TDRD7: variants seen among roughly 807,000 people sequenced by gnomAD.
The protein encoded by TDRD7 is tudor domain-containing protein 7.
TDRD7 carries 47 observed loss-of-function variants against 109.8 expected under a neutral mutation model. The ratio of observed to expected loss-of-function variants is 0.43; its 90% CI spans 0.34 to 0.55. The LOEUF (loss-of-function observed/expected upper bound fraction) is 0.55, where lower values mean the gene tolerates loss of function less well. Ranked by LOEUF, TDRD7 falls within the 20% of genes least tolerant of loss-of-function variation. The pLI is 0.03. For synonymous variants in TDRD7, 424 were observed against 457.3 expected (o/e 0.93, Z 0.93); for missense variants, 1,164 against 1,319.2 (o/e 0.88, Z 1.82).
chr9:97,489,293 A>G (rs1829262584), intron 16 of TDRD7, among the ~76,000 whole-genome samples: 1 of 152,246 alleles, frequency 6.6e-6, no homozygotes, highest in East Asian at 1.9e-4. Flanking sequence ...TTGCAGATCT[A>G]TCCATTTTTG....
At chr9:97,465,238 T>TA (rs905147840) in intron 8 of TDRD7, among the ~76,000 whole-genome samples, 9 of 152,132 alleles carry the variant, frequency 5.9e-5, no homozygotes, top group Non-Finnish European at 1.3e-4. Context: ...GAGTTTTAGT[T>TA]AAAAAAATAA....
chr9:97,452,262 G>T (rs1828510114), intron 6 of TDRD7, among the ~76,000 whole-genome samples: 1 of 152,186 alleles, frequency 6.6e-6, no homozygotes, highest in African/African-American at 2.4e-5. Context: ...TTGGAATGAA[G>T]TATGTGGACC....
rs1829137246 is a variant in TDRD7 at position 97,482,801 on chromosome 9, T to G, written c.2413-48T>G. The stretch of plus-strand genomic sequence containing the variant: ...AGGTTACTATAACTGCCTCTCAAAA[T>G]TTAATGTGAACTTGTATTTCTTATA... On this transcript the variant is annotated intron_variant, in intron 14 of 16. Transcript: ENST00000355295. 1.9e-6 allele frequency: 3 copies of G among 1,603,586 alleles called. No individual in the cohort carries two copies. In the East Asian group the frequency reaches 6.7e-5, roughly 36 times the overall value.
At chr9:97,419,594 G>A (rs560245734) in intron 1 of TDRD7, among the ~76,000 whole-genome samples, 1 of 152,300 alleles carries the variant, frequency 6.6e-6, no homozygotes, top group East Asian at 1.9e-4. Flanking sequence ...GACTTCAGAG[G>A]TAGTGGAGGT....
At chr9:97,428,427 A>T in intron 1 of TDRD7, 33 bp from the exon 2 acceptor site, 1 of 1,596,640 alleles carries the variant, frequency 6.3e-7, no homozygotes, top group Non-Finnish European at 8.6e-7. Flanking sequence ...CGAATGAGCC[A>T]TATTATAGTA....
chr9:97,449,547 T>C lies in TDRD7; in HGVS notation c.855+7672T>C, dbSNP rs1461537103. 2.6e-5 allele frequency among the ~76,000 whole-genome samples: 4 copies of C among 152,180 alleles called. No individual in the cohort carries two copies. The East Asian group carries it at 7.7e-4, about 29-fold the overall frequency. On this transcript the variant is annotated intron_variant, in intron 6 of 16. Coordinates refer to ENST00000355295, the MANE Select transcript of TDRD7 (RefSeq NM_014290.3). ...ATTACAGAGGATACAGATGAAGAAA[T>C]GCATAAATGGGGGAAGCAGCATGGA...
intron 4 of TDRD7, among the ~76,000 whole-genome samples, chr9:97,433,261 T>G (rs1409232860): frequency 6.6e-6 from 1 of 151,912 alleles, no homozygotes; most frequent in Non-Finnish European, 1.5e-5. Context: ...ATTTTTTATA[T>G]TACAGAATTT....
intron 9 of TDRD7, among the ~76,000 whole-genome samples, chr9:97,470,923 T>G (rs770224348): frequency 2.0e-5 from 3 of 152,230 alleles, no homozygotes; most frequent in Non-Finnish European, 4.4e-5. Flanking sequence ...GGGATTTTTC[T>G]TGTTCTAACT....
intron 6 of TDRD7, among the ~76,000 whole-genome samples, chr9:97,449,168 C>G (rs918997263): frequency 2.0e-5 from 3 of 152,292 alleles, no homozygotes; most frequent in Non-Finnish European, 4.4e-5. Flanking sequence ...AATACTCAAA[C>G]TATGTTTTTC....
At chr9:97,474,026 A>G (rs1186727039) in intron 11 of TDRD7, among the ~76,000 whole-genome samples, 1 of 152,170 alleles carries the variant, frequency 6.6e-6, no homozygotes, top group African/African-American at 2.4e-5. Flanking sequence ...GGAATTTAGG[A>G]GGATAATAAA....
intron 11 of TDRD7, 118 bp from the exon 12 acceptor site, chr9:97,475,265 G>T (rs1247398436): frequency 1.3e-6 from 1 of 784,320 alleles, no homozygotes; most frequent in Non-Finnish European, 2.2e-6. Context: ...TCCATTGCTG[G>T]AAGTCTGACT....
At chr9:97,476,781 A>G (rs753315251) in intron 12 of TDRD7, among the ~76,000 whole-genome samples, 2 of 152,162 alleles carry the variant, frequency 1.3e-5, no homozygotes, top group Non-Finnish European at 2.9e-5. Flanking sequence ...TAAGATTCTC[A>G]AATCAACCCC....
chr9:97,435,467 T>TA (rs11314747), intron 4 of TDRD7, among the ~76,000 whole-genome samples: 268 of 131,128 alleles, frequency 2.0e-3, no homozygotes, highest in Middle Eastern at 3.8e-3. Context: ...TCATCTCTAC[T>TA]AAAAAAAAAA....
chr9:97,471,418 GA>G (rs1828910030), intron 9 of TDRD7, among the ~76,000 whole-genome samples: 1 of 152,134 alleles, frequency 6.6e-6, no homozygotes, highest in African/African-American at 2.4e-5. Context: ...AGATTAACCT[GA>G]AGAAATTTTA....
intron 14 of TDRD7, among the ~76,000 whole-genome samples, chr9:97,481,507 T>TA (rs1829115380): frequency 6.6e-6 from 1 of 152,234 alleles, no homozygotes; most frequent in Non-Finnish European, 1.5e-5. Context: ...AAGATAGTTT[T>TA]TCTCTGTTAA....
At chr9:97,494,709 TATA>T (rs1293876527) in intron 16 of TDRD7, among the ~76,000 whole-genome samples, 19 of 95,234 alleles carry the variant, frequency 2.0e-4, no homozygotes, top group East Asian at 5.6e-4. Flanking sequence ...TATATATATA[TATA>T]TTTTTTTTTT....
At chr9:97,433,299 T>C (rs915059968) in intron 4 of TDRD7, among the ~76,000 whole-genome samples, 1 of 151,564 alleles carries the variant, frequency 6.6e-6, no homozygotes, top group Non-Finnish European at 1.5e-5. Flanking sequence ...AATATTTTTA[T>C]AATGGTATAC....
intron 1 of TDRD7, among the ~76,000 whole-genome samples, chr9:97,420,428 T>C (rs901309961): frequency 1.3e-5 from 2 of 151,944 alleles, no homozygotes; most frequent in African/African-American, 4.8e-5. Context: ...TAAAAATCCC[T>C]CTTTATAGCC....
At chr9:97,425,989 G>A (rs1422779793) in intron 1 of TDRD7, among the ~76,000 whole-genome samples, 1 of 152,164 alleles carries the variant, frequency 6.6e-6, no homozygotes, top group Admixed American at 6.5e-5. Flanking sequence ...GAGGGATACT[G>A]CAACCATTAA....
Sources: gnomAD v4.1 joint callset for allele counts (sites outside exome capture counted in the v4.1 genomes callset) on GRCh38, gnomAD v4.1.1 for gene constraint, MANE v1.5 for transcripts, NCBI Gene and HGNC (gene_info 2026-07-23, HGNC 2026-07-21) for gene names.